The following PRPH2 variants were observed in gnomAD, a reference collection of about 807,000 sequenced individuals.
The protein encoded by PRPH2 is peripherin 2.
PRPH2 carries 17 observed loss-of-function variants against 31.3 expected under a neutral mutation model. The ratio of observed to expected loss-of-function variants is 0.54; its 90% CI spans 0.37 to 0.81. PRPH2 has a LOEUF of 0.81. Among genes scored for constraint, PRPH2 ranks in the 40% least tolerant of loss-of-function variants. The pLI, the probability that PRPH2 is intolerant of heterozygous loss-of-function variation, is 0.00. For missense variants in PRPH2, 430 were observed against 439.7 expected, an observed-to-expected ratio of 0.98 and a Z score of 0.20; for synonymous variants, 165 against 184.4, an observed-to-expected ratio of 0.89 and a Z score of 0.85.
At chr6:42,708,120 G>A (rs1407169794) in intron 1 of PRPH2, among the ~76,000 whole-genome samples, 1 of 152,224 alleles carries the variant, frequency 6.6e-6, no homozygotes, top group Non-Finnish European at 1.5e-5. Context: ...GGTACTCTGA[G>A]CACCTGGGAG....
chr6:42,698,699 C>T (rs1799992756), intron 2 of PRPH2, among the ~76,000 whole-genome samples, 192 bp from the exon 3 acceptor site: 1 of 152,170 alleles, frequency 6.6e-6, no homozygotes, highest in South Asian at 2.1e-4. Context: ...TCTTCTCCAG[C>T]CTCATGTCAG....
At chr6:42,714,303 GA>G (rs1312517858) in intron 1 of PRPH2, among the ~76,000 whole-genome samples, 1 of 152,118 alleles carries the variant, frequency 6.6e-6, no homozygotes, top group Non-Finnish European at 1.5e-5. Context: ...GAAATCTATA[GA>G]TACAGAAAGT....
At chr6:42,719,289 G>T (rs911048247) in intron 1 of PRPH2, among the ~76,000 whole-genome samples, 12 of 151,224 alleles carry the variant, frequency 7.9e-5, no homozygotes, top group Admixed American at 2.0e-4. Flanking sequence ...CAATTCTCCT[G>T]CCTCAGCCTC....
chr6:42,722,484 C>T lies in PRPH2; in HGVS notation c.-150G>A. 4 of 1,512,768 alleles carry T rather than the reference C, an allele frequency of 2.6e-6. No individual in the cohort carries two copies. In the Admixed American group the frequency reaches 6.2e-5, roughly 23 times the overall value. The allele number at this position is 1,512,768 out of a possible 1,614,324, so 93.7% of individuals were successfully genotyped here. A position where few individuals can be genotyped will look rare whatever the true frequency, so the allele number is the denominator to read the frequency against. Reference sequence around the variant, plus strand: ...CCTGGGGGCTACCCATGTCGAGTCCCACTAGCCTGGGATCCCCGTGAATGC... The same window carrying T: ...CCTGGGGGCTACCCATGTCGAGTCCTACTAGCCTGGGATCCCCGTGAATGC... On this transcript the variant is annotated 5_prime_UTR_variant, in exon 1 of 3. Coordinates refer to ENST00000230381, the MANE Select transcript of PRPH2 (RefSeq NM_000322.5). This position sits in a 1 kb window ranked among gnomAD's most constrained non-coding sequence, Gnocchi z 4.4.
intron 2 of PRPH2, among the ~76,000 whole-genome samples, chr6:42,699,897 C>G (rs1800016739): frequency 6.6e-6 from 1 of 151,774 alleles, no homozygotes; most frequent in East Asian, 1.9e-4. Flanking sequence ...GTACCTAGTG[C>G]ACAGTAAGGA....
intron 1 of PRPH2, among the ~76,000 whole-genome samples, chr6:42,706,973 A>ATTTTT (rs1582767460): frequency 8.4e-6 from 1 of 119,068 alleles, no homozygotes; most frequent in Non-Finnish European, 1.7e-5. Flanking sequence ...TATCTTGGAG[A>ATTTTT]TCTTTTTTTT....
chr6:42,718,054 T>C (rs141378931), intron 1 of PRPH2, among the ~76,000 whole-genome samples: 1 of 152,116 alleles, frequency 6.6e-6, no homozygotes, highest in Non-Finnish European at 1.5e-5. Context: ...ATGCCTGTAA[T>C]CCCAGCACTT....
intron 1 of PRPH2, among the ~76,000 whole-genome samples, chr6:42,712,623 G>A (rs1761688912): frequency 6.6e-6 from 1 of 151,934 alleles, no homozygotes; most frequent in African/African-American, 2.4e-5. Context: ...CACCATGTTG[G>A]CCAGGCTGGT....
At chr6:42,713,174 G>A (rs1196153564) in intron 1 of PRPH2, among the ~76,000 whole-genome samples, 2 of 151,044 alleles carry the variant, frequency 1.3e-5, no homozygotes, top group African/African-American at 4.9e-5. Flanking sequence ...GCAGTGAGCC[G>A]ACATGGTGCC....
At chr6:42,705,830 G>A (rs1292958968) in intron 1 of PRPH2, among the ~76,000 whole-genome samples, 1 of 150,112 alleles carries the variant, frequency 6.7e-6, no homozygotes, top group Non-Finnish European at 1.5e-5. Flanking sequence ...GTGGTGGCAC[G>A]CGCCTGTAGT....
chr6:42,704,563 A>G lies in PRPH2; in HGVS notation c.630T>C (p.Pro210=), dbSNP rs760803268. The change falls in exon 2 of 3, where the codon CCT becomes CCC. Residue 210 remains proline, a synonymous_variant. Transcript: ENST00000230381. ...VDGRYLVDGV[P]FSCCNPSSPR... ...GCGAGCTAGGATTGCAGCAGCTGAAAGGGACGCCGTCCACCAGGTACCGCC... is the reference window on the plus strand; with the variant it reads ...GCGAGCTAGGATTGCAGCAGCTGAAGGGGACGCCGTCCACCAGGTACCGCC... 5.6e-6 allele frequency: 9 copies of G among 1,614,192 alleles called. No individual in the cohort carries two copies. The highest frequency in any genetic ancestry group is 7.6e-6 in the Non-Finnish European group (9 of 1,180,030).
At chr6:42,710,751 G>A (rs756172289) in intron 1 of PRPH2, among the ~76,000 whole-genome samples, 3 of 152,186 alleles carry the variant, frequency 2.0e-5, no homozygotes, top group Non-Finnish European at 2.9e-5. Flanking sequence ...AAATGATCAC[G>A]TCTGAGTTTT....
At chr6:42,719,519 T>A (rs1761855877) in intron 1 of PRPH2, among the ~76,000 whole-genome samples, 1 of 151,878 alleles carries the variant, frequency 6.6e-6, no homozygotes, top group East Asian at 1.9e-4. Context: ...ATTGTGGATA[T>A]TATGCAAATG....
chr6:42,716,612 GTTT>G (rs145765747), intron 1 of PRPH2, among the ~76,000 whole-genome samples: 11 of 111,568 alleles, frequency 9.9e-5, no homozygotes, highest in African/African-American at 1.7e-4. Flanking sequence ...GGTTTGGTTG[GTTT>G]TTTTTTTTTT....
intron 2 of PRPH2, among the ~76,000 whole-genome samples, chr6:42,701,682 A>ATTTTTTTTTTTTTTTTTTT (rs70990127): frequency 1.3e-5 from 1 of 78,516 alleles, no homozygotes; most frequent in Non-Finnish European, 2.3e-5. Flanking sequence ...ACGTCCAGCA[A>ATTTTTTTTTTTTTTTTTTT]TTTTTTTTTT....
chr6:42,714,340 G>A (rs1367126813), intron 1 of PRPH2, among the ~76,000 whole-genome samples: 1 of 152,172 alleles, frequency 6.6e-6, no homozygotes, highest in Non-Finnish European at 1.5e-5. Flanking sequence ...TAGGGCTAGG[G>A]GGAGGGAAGG....
In PRPH2 at chr6:42,721,798, C is replaced by A. The variant is rs779414078; in HGVS notation, c.537G>T (p.Trp179Cys). The A allele has an allele frequency of 1.2e-6, 2 of 1,614,074 alleles. No homozygotes were observed. Among genetic ancestry groups the A allele is most frequent in the African/African-American group, 2.7e-5 (2 of 74,924 alleles). Reference sequence around the variant, plus strand: ...AAAAGTCCAGGTAGCGATTGCTGATCCACTGAATCTCAAACCAGTCCCGAA... The same window carrying A: ...AAAAGTCCAGGTAGCGATTGCTGATACACTGAATCTCAAACCAGTCCCGAA... Reference protein sequence around the residue: ...NGFRDWFEIQWISNRYLDFSS... With the variant: ...NGFRDWFEIQCISNRYLDFSS... Residue 179 changes from tryptophan (W) to cysteine (C), a missense_variant, in exon 1 of 3, where the codon TGG (tryptophan) becomes TGT (cysteine). Coordinates refer to ENST00000230381, the MANE Select transcript of PRPH2 (RefSeq NM_000322.5).
At chr6:42,719,631 C>T (rs1038240457) in intron 1 of PRPH2, among the ~76,000 whole-genome samples, 1 of 133,868 alleles carries the variant, frequency 7.5e-6, no homozygotes, top group African/African-American at 2.9e-5. Flanking sequence ...AGTGCAATGG[C>T]GAGATCTCAG....
At chr6:42,718,027 G>A (rs1484666975) in intron 1 of PRPH2, among the ~76,000 whole-genome samples, 2 of 152,174 alleles carry the variant, frequency 1.3e-5, no homozygotes, top group African/African-American at 4.8e-5. Flanking sequence ...TTAGCCAGAG[G>A]CCAGGCACGG....
Sources: gnomAD v4.1 joint callset for allele counts (sites outside exome capture counted in the v4.1 genomes callset) on GRCh38, gnomAD v4.1.1 for gene constraint, Gnocchi (gnomAD v3.1) non-coding constraint, MANE v1.5 for transcripts, NCBI Gene and HGNC (gene_info 2026-07-23, HGNC 2026-07-21) for gene names.